UGT3A2: variants seen among roughly 807,000 people sequenced by gnomAD.
The protein encoded by UGT3A2 is UDP glycosyltransferase family 3 member A2, also known as UDP-glycosyltransferase 3A2.
Under a neutral mutation model 39.8 loss-of-function variants are expected in UGT3A2, and 32 were observed. That is an observed-to-expected ratio of 0.80 (90% confidence interval 0.61 to 1.08). The LOEUF (loss-of-function observed/expected upper bound fraction) is 1.08. Among genes scored for constraint, UGT3A2 ranks in the 50% least tolerant of loss-of-function variants. The probability of loss-of-function intolerance (pLI) is 0.00; values close to 1 mark genes in which losing one functional copy is unlikely to be tolerated. For missense variants in UGT3A2, 611 were observed against 637.1 expected, an observed-to-expected ratio of 0.96 and a Z score of 0.44; for synonymous variants, 241 against 230.7, an observed-to-expected ratio of 1.04 and a Z score of -0.40.
intron 4 of UGT3A2, among the ~76,000 whole-genome samples, chr5:36,045,223 C>G (rs1021533875): frequency 6.6e-6 from 1 of 151,992 alleles, no homozygotes; most frequent in African/African-American, 2.4e-5. Context: ...GTGCCAAGAA[C>G]ATAAAGACAG....
rs1741932662 is a variant in UGT3A2, at chr5:36,039,466, G to T, written c.1075+11C>A. 6.2e-7 allele frequency: 1 copy of T among 1,612,756 alleles called. No homozygotes were observed. The highest frequency in any genetic ancestry group is 8.5e-7 in the Non-Finnish European group (1 of 1,179,466). ...AGTGGAAGGAGAGGAGCAGTCCTGG[G>T]CAGCCCTTACCCAGGAGGTCACTCT... On this transcript the variant is annotated intron_variant, in intron 5 of 6. Transcript: ENST00000282507.
chr5:36,036,069 C>A (rs1741819005), intron 6 of UGT3A2, 95 bp from the exon 7 acceptor site: 1 of 1,461,184 alleles, frequency 6.8e-7, no homozygotes. Context: ...AGACTGAGTT[C>A]CAAGGAAATT....
At chr5:36,036,933 T>A (rs1407772020) in intron 6 of UGT3A2, among the ~76,000 whole-genome samples, 1 of 152,096 alleles carries the variant, frequency 6.6e-6, no homozygotes, top group Non-Finnish European at 1.5e-5. Context: ...GTTAGTTACC[T>A]TGGAGGTCAC....
chr5:36,043,286 G>C (rs954720618), intron 4 of UGT3A2, among the ~76,000 whole-genome samples: 2 of 151,880 alleles, frequency 1.3e-5, no homozygotes, highest in Non-Finnish European at 2.9e-5. Flanking sequence ...ATGACCAGTA[G>C]GTCAATGAAG....
intron 1 of UGT3A2, among the ~76,000 whole-genome samples, chr5:36,064,643 A>G (rs1327284444): frequency 2.6e-5 from 4 of 152,198 alleles, no homozygotes; most frequent in African/African-American, 9.7e-5. Context: ...GGAGTTCCTC[A>G]TCCTGAGGTA....
intron 2 of UGT3A2, 21 bp from the exon 3 acceptor site, chr5:36,052,005 T>TAA: frequency 1.3e-6 from 2 of 1,494,054 alleles, no homozygotes; most frequent in Non-Finnish European, 1.8e-6. Context: ...AGCAACGGGT[T>TAA]AAAAAAAAAG....
At position 36,035,831 on chromosome 5, in the gene UGT3A2, C is replaced by T; in HGVS notation, c.1439G>A (p.Trp480Ter). The T allele has an allele frequency of 6.2e-7, 1 of 1,614,190 alleles. No individual in the cohort carries two copies. Among genetic ancestry groups the T allele is most frequent in the Non-Finnish European group, 8.5e-7 (1 of 1,180,046 alleles). ...HLKPYVFQQP[W>*]HEQYLLDVFV... ...AACGTCGAGCAGGTACTGCTCATGC[C>T]AGGGCTGCTGAAAGACATAGGGCTT... Residue 480 changes from tryptophan to a stop codon, truncating the protein, a stop_gained, in exon 7 of 7, where the codon TGG becomes TAG. Coordinates refer to ENST00000282507, the MANE Select transcript of UGT3A2 (RefSeq NM_174914.4). LOFTEE classifies it low-confidence loss of function (END_TRUNC).
At chr5:36,051,731 C>T (rs1308319302) in intron 3 of UGT3A2, 139 bp downstream of exon 3, 4 of 564,350 alleles carry the variant, frequency 7.1e-6, no homozygotes, top group Non-Finnish European at 1.2e-5. Context: ...TCAATCCATC[C>T]ATCCGTCCAT....
chr5:36,037,936 CCA>C lies in UGT3A2; in HGVS notation c.1154_1155del (p.Met385SerfsTer11), dbSNP rs779230736. The C allele has an allele frequency of 1.9e-6, 3 of 1,614,054 alleles. No individual in the cohort carries two copies. The East Asian group carries it at 6.7e-5, about 36-fold the overall frequency. Reference sequence around the variant, plus strand: ...TGGTCTCCAAAGAGAGGGATCCCCACCATGGGCACACCATGCTGGATGGCCTC... The same window carrying C: ...TGGTCTCCAAAGAGAGGGATCCCCACTGGGCACACCATGCTGGATGGCCTC... ...IMEAIQHGVPMVGIPLFGDQP... is the reference protein window; with the variant it reads ...IMEAIQHGVPXVGIPLFGDQP... On this transcript the variant is annotated frameshift_variant, in exon 6 of 7. Coordinates refer to ENST00000282507, the MANE Select transcript of UGT3A2 (RefSeq NM_174914.4). LOFTEE classifies it high-confidence loss of function.
At position 36,052,049 on chromosome 5, in the gene UGT3A2, T is replaced by G. The variant is rs1456833302; in HGVS notation, c.197-65A>C. Reference sequence around the variant, plus strand: ...GCTACACAAAAGAGTAACATTAGCATAACAATATCAAAACTTATTTCAAAG... The same window carrying G: ...GCTACACAAAAGAGTAACATTAGCAGAACAATATCAAAACTTATTTCAAAG... On this transcript the variant is annotated intron_variant, in intron 2 of 6. Transcript: ENST00000282507. 9.2e-6 allele frequency: 9 copies of G among 973,184 alleles called. No individual in the cohort carries two copies. The Admixed American group carries it at 2.5e-4, about 27-fold the overall frequency. The allele number at this position is 973,184 out of a possible 1,614,324, so 60.3% of individuals were successfully genotyped here. A position where few individuals can be genotyped will look rare whatever the true frequency, so the allele number is the denominator to read the frequency against.
chr5:36,045,475 C>T (rs903654937), intron 4 of UGT3A2, among the ~76,000 whole-genome samples: 24 of 151,914 alleles, frequency 1.6e-4, no homozygotes, highest in African/African-American at 5.3e-4. Flanking sequence ...TGCCTGTAAT[C>T]CCAGCTGCTC....
chr5:36,046,783 G>A (rs1033213358), intron 4 of UGT3A2, among the ~76,000 whole-genome samples: 1 of 152,184 alleles, frequency 6.6e-6, no homozygotes, highest in Non-Finnish European at 1.5e-5. Context: ...ATAAAGAAAT[G>A]ATCAATGCCT....
At chr5:36,052,088 TTGAA>T in intron 2 of UGT3A2, 104 bp from the exon 3 acceptor site, 1 of 690,710 alleles carries the variant, frequency 1.4e-6, no homozygotes, top group East Asian at 2.9e-5. Flanking sequence ...ATGTATGTAT[TTGAA>T]TGATTGCTTC....
Position 36,035,409 on chromosome 5 carries a change from G to C in UGT3A2, c.*289C>G. 7.6e-6 allele frequency: 3 copies of C among 393,396 alleles called. No individual in the cohort carries two copies. Among genetic ancestry groups the C allele is most frequent in the Non-Finnish European group, 1.4e-5 (3 of 214,374 alleles). The allele number at this position is 393,396 out of a possible 1,614,324, so 24.4% of individuals were successfully genotyped here. On this transcript the variant is annotated 3_prime_UTR_variant, in exon 7 of 7. Transcript: ENST00000282507. ...TTTAAGGCTGGAAATCTGAGGGTCAGTGGTCCAAGTCACTCAGAGACAGAA... is the reference window on the plus strand; with the variant it reads ...TTTAAGGCTGGAAATCTGAGGGTCACTGGTCCAAGTCACTCAGAGACAGAA...
chr5:36,038,416 T>C (rs745570655), intron 5 of UGT3A2, among the ~76,000 whole-genome samples: 4 of 152,236 alleles, frequency 2.6e-5, no homozygotes, highest in Non-Finnish European at 5.9e-5. Flanking sequence ...AGCCCTCTTT[T>C]ATCCACTGAC....
Position 36,035,327 on chromosome 5 carries a change from T to C in UGT3A2, c.*371A>G, listed in dbSNP as rs1741783370. The C allele has an allele frequency of 1.1e-5, 3 of 264,056 alleles. 1 individual carries two copies. Among genetic ancestry groups the C allele is most frequent in the South Asian group, 5.5e-5 (1 of 18,050 alleles). The allele number at this position is 264,056 out of a possible 1,614,324, so 16.4% of individuals were successfully genotyped here. ...GAGAGAGGCTGACTAGGTCTGGACA[T>C]GGAGGCTGGAAGAGTCAGGGTGTGA... On this transcript the variant is annotated 3_prime_UTR_variant, in exon 7 of 7. Coordinates refer to ENST00000282507, the MANE Select transcript of UGT3A2 (RefSeq NM_174914.4).
chr5:36,065,148 C>G (rs533632668), intron 1 of UGT3A2, among the ~76,000 whole-genome samples: 1 of 151,994 alleles, frequency 6.6e-6, no homozygotes, highest in Admixed American at 6.6e-5. Context: ...TAATACACAG[C>G]CTTTGCTTGA....
At chr5:36,044,152 G>T (rs1742095174) in intron 4 of UGT3A2, among the ~76,000 whole-genome samples, 1 of 151,974 alleles carries the variant, frequency 6.6e-6, no homozygotes, top group Non-Finnish European at 1.5e-5. Flanking sequence ...GAGCAAGTGG[G>T]ATTTATCTGA....
chr5:36,056,138 G>A (rs974799448), intron 2 of UGT3A2, among the ~76,000 whole-genome samples: 1 of 152,196 alleles, frequency 6.6e-6, no homozygotes, highest in Non-Finnish European at 1.5e-5. Flanking sequence ...ACAGTTCTCA[G>A]GGTGGCCTTG....
Sources: gnomAD v4.1 joint callset for allele counts (sites outside exome capture counted in the v4.1 genomes callset) on GRCh38, gnomAD v4.1.1 for gene constraint, MANE v1.5 for transcripts, NCBI Gene and HGNC (gene_info 2026-07-23, HGNC 2026-07-21) for gene names.